The following PCDHGB4 variants were observed in gnomAD, a reference collection of about 807,000 sequenced individuals.
PCDHGB4 encodes protocadherin gamma-B4.
A neutral mutation model predicts 60.5 loss-of-function variants in PCDHGB4; 38 were observed. That is an observed-to-expected ratio of 0.63 (90% CI 0.48 to 0.82). The LOEUF (loss-of-function observed/expected upper bound fraction) is 0.82, where lower values mean the gene tolerates loss of function less well. Among genes scored for constraint, PCDHGB4 ranks in the 40% least tolerant of loss-of-function variants. The pLI is 0.00. For missense variants in PCDHGB4, 1,109 were observed against 1,209.6 expected (o/e 0.92, Z 1.23); for synonymous variants, 456 against 509.7 (o/e 0.89, Z 1.42).
chr5:141,502,667 T>G (rs2099815574), intron 2 of PCDHGB4, among the ~76,000 whole-genome samples: 1 of 152,236 alleles, frequency 6.6e-6, no homozygotes. Context: ...TTCATGCAAT[T>G]TTAGTATTCC....
Position 141,388,795 on chromosome 5 carries a change from C to G in PCDHGB4, c.911C>G (p.Thr304Arg), listed in dbSNP as rs1204065309. Residue 304 changes from threonine to arginine, a missense_variant, in exon 1 of 4, where the codon ACA becomes AGA. Physicochemically the swap from Thr to Arg is moderately conservative, Grantham distance 71. Transcript: ENST00000519479. The part of the protein sequence containing the change: ...SNTGEITVLN[T>R]LDFEEVKEYS... ...ACCGGGGAAATTACTGTTTTAAATA[C>G]ATTAGATTTTGAAGAAGTCAAAGAA... 6.2e-7 allele frequency: 1 copy of G among 1,613,716 alleles called. No homozygotes were observed. Among genetic ancestry groups the G allele is most frequent in the Non-Finnish European group, 8.5e-7 (1 of 1,179,790 alleles).
intron 1 of PCDHGB4, among the ~76,000 whole-genome samples, chr5:141,444,400 A>G (rs1400847351): frequency 1.3e-5 from 2 of 151,536 alleles, no homozygotes; most frequent in Admixed American, 6.6e-5. Flanking sequence ...TGAACTCCCA[A>G]CCTCAGGTGA....
chr5:141,423,462 C>G, intron 1 of PCDHGB4: 1 of 1,613,924 alleles, frequency 6.2e-7, no homozygotes, highest in Non-Finnish European at 8.5e-7. Flanking sequence ...TAGGCGTGGA[C>G]GGGGTACAGG....
chr5:141,410,849 C>CTTTT lies in PCDHGB4; in HGVS notation c.2397+20587_2397+20590dup, dbSNP rs759346998. The CTTTT allele has an allele frequency of 9.0e-3, 1,245 of 137,660 alleles. 106 individuals are homozygous for CTTTT. The highest frequency in any genetic ancestry group is 0.023 in the African/African-American group (378 of 16,590). 8.5% of individuals were successfully genotyped at this position (137,660 alleles called of 1,614,324 possible). On this transcript the variant is annotated intron_variant, in intron 1 of 3. Coordinates refer to ENST00000519479, the MANE Select transcript of PCDHGB4 (RefSeq NM_003736.4). The stretch of plus-strand genomic sequence containing the variant: ...CAGACTGAAGATATTTTGTCTTTGT[C>CTTTT]TTTTTTTTTTTTTTTTTTTTTTGAG...
rs560197175 is a variant in PCDHGB4, at chr5:141,434,430, G to A, written c.2397+44149G>A. Among the ~76,000 whole-genome samples the A allele has an allele frequency of 2.4e-4, 36 of 152,326 alleles. 1 individual carries two copies. In the South Asian group the frequency reaches 6.4e-3, roughly 27 times the overall value. On this transcript the variant is annotated intron_variant, in intron 1 of 3. Coordinates refer to ENST00000519479, the MANE Select transcript of PCDHGB4 (RefSeq NM_003736.4). ...GCACTGTGACATGTTCATGATGGCC[G>A]TAATGCCCATGCTGGAAGGTAGTGG...
In PCDHGB4 at chr5:141,461,039, C is replaced by T. The variant is rs1026091108; in HGVS notation, c.2398-33768C>T. On this transcript the variant is annotated intron_variant, in intron 1 of 3. Coordinates refer to ENST00000519479, the MANE Select transcript of PCDHGB4 (RefSeq NM_003736.4). ...ACATTTTCTTTATCCACTCATTAGT[C>T]GATGGGGACTTAGGTTGGTTTCACA... is the stretch of plus-strand genomic sequence containing the variant. 2.7e-5 allele frequency among the ~76,000 whole-genome samples: 4 copies of T among 150,906 alleles called. No homozygotes were observed. In the East Asian group the frequency reaches 7.8e-4, roughly 29 times the overall value.
At chr5:141,427,890 G>A in intron 1 of PCDHGB4, 1 of 1,566,844 alleles carries the variant, frequency 6.4e-7, no homozygotes, top group Non-Finnish European at 8.7e-7. Flanking sequence ...CCACGACCAG[G>A]GCTCGCCCGC....
At chr5:141,402,910 G>A in intron 1 of PCDHGB4, 2 of 1,549,722 alleles carry the variant, frequency 1.3e-6, no homozygotes, top group Non-Finnish European at 1.7e-6. Context: ...ATGAAGCAGC[G>A]CGCACAGAGA....
intron 1 of PCDHGB4, chr5:141,418,613 C>T (rs759701663): frequency 9.9e-6 from 16 of 1,613,892 alleles, no homozygotes; most frequent in Non-Finnish European, 1.4e-5. Context: ...GGTTAGCCTT[C>T]GGGAAGACGT....
In PCDHGB4 at chr5:141,494,836, C is replaced by G. The variant is rs1016713543; in HGVS notation, c.2427C>G (p.Phe809Leu). ...CCCCGCCCAACACGGACTGGCGTTT[C>G]TCTCAGGCCCAGAGACCCGGCACCA... ...QQAPPNTDWR[F>L]SQAQRPGTSG... The change falls in exon 2 of 4, where the codon TTC (phenylalanine) becomes TTG (leucine). Residue 809 changes from phenylalanine (F) to leucine (L), a missense_variant. Phe to Leu is a conservative substitution (Grantham distance 22, BLOSUM62 0). Coordinates refer to ENST00000519479, the MANE Select transcript of PCDHGB4 (RefSeq NM_003736.4). 1.9e-6 allele frequency: 3 copies of G among 1,614,054 alleles called. No individual in the cohort carries two copies. The highest frequency in any genetic ancestry group is 2.7e-5 in the African/African-American group (2 of 74,932).
At chr5:141,417,941 A>T (rs1319967892) in intron 1 of PCDHGB4, 1 of 1,612,890 alleles carries the variant, frequency 6.2e-7, no homozygotes, top group South Asian at 1.1e-5. Context: ...GTTCTACCCC[A>T]CGCTGTGTGA....
chr5:141,455,983 C>T (rs542017964), intron 1 of PCDHGB4, among the ~76,000 whole-genome samples: 23 of 151,546 alleles, frequency 1.5e-4, no homozygotes, highest in African/African-American at 5.1e-4. Context: ...CTGCAAGCTC[C>T]GCCTCTCGGG....
chr5:141,439,965 T>C (rs1212358198), intron 1 of PCDHGB4: 1 of 152,760 alleles, frequency 6.5e-6, no homozygotes, highest in Non-Finnish European at 1.5e-5. Flanking sequence ...CGTTATTCAG[T>C]CCTAGAGGAG....
At chr5:141,399,705 C>G in intron 1 of PCDHGB4, 1 of 1,613,470 alleles carries the variant, frequency 6.2e-7, no homozygotes. Flanking sequence ...CCTTCGAACT[C>G]ACACTACAGG....
chr5:141,450,817 A>G, intron 1 of PCDHGB4, among the ~76,000 whole-genome samples: 1 of 137,534 alleles, frequency 7.3e-6, no homozygotes, highest in East Asian at 2.1e-4. Context: ...TTTATTTAAT[A>G]TTATTATTAT....
chr5:141,394,171 C>T (rs115102808), intron 1 of PCDHGB4: 17,700 of 1,613,924 alleles, frequency 0.011, 141 homozygotes, highest in Non-Finnish European at 0.013. Flanking sequence ...CCTACTTTCC[C>T]TCATGCCTCC....
chr5:141,401,546 ATGCTATT>A (rs1372970930), intron 1 of PCDHGB4, among the ~76,000 whole-genome samples: 1 of 152,214 alleles, frequency 6.6e-6, no homozygotes, highest in African/African-American at 2.4e-5. Context: ...AAAAAAGGAA[ATGCTATT>A]GCCTGAATTT....
At chr5:141,394,657 G>A (rs1179529074) in intron 1 of PCDHGB4, 2 of 1,613,220 alleles carry the variant, frequency 1.2e-6, no homozygotes, top group East Asian at 2.2e-5. Flanking sequence ...AGCGAGCCGG[G>A]ACTCTTCTCG....
chr5:141,403,401 C>T (rs746777998), intron 1 of PCDHGB4: 1 of 1,614,052 alleles, frequency 6.2e-7, no homozygotes, highest in South Asian at 1.1e-5. Context: ...GTTCCTGGAG[C>T]ACGTTATCCA....
Sources: allele counts gnomAD v4.1 joint callset (sites outside exome capture counted in the v4.1 genomes callset), GRCh38; gene constraint gnomAD v4.1.1; transcripts MANE v1.5; gene names NCBI Gene and HGNC (gene_info 2026-07-23, HGNC 2026-07-21).